IFT25: variants seen among roughly 807,000 people sequenced by gnomAD.
The protein encoded by IFT25 is intraflagellar transport protein 25 homolog.
chr1:53,912,315 A>T, the IFT25 span, among the ~76,000 whole-genome samples: 912 of 152,276 alleles, frequency 6.0e-3, 9 homozygotes, highest in African/African-American at 0.021. Flanking sequence ...TTCCAATTAG[A>T]TTCTCTTCAA....
At chr1:53,945,195 T>A in the IFT25 span, among the ~76,000 whole-genome samples, 5 of 152,194 alleles carry the variant, frequency 3.3e-5, no homozygotes, top group African/African-American at 1.2e-4. Context: ...AATATATAAA[T>A]GCCCCCGACC....
the IFT25 span, chr1:53,928,537 G>T: frequency 1.2e-6 from 1 of 820,070 alleles, no homozygotes. Flanking sequence ...CATGCACAGT[G>T]GAACTACACA....
the IFT25 span, among the ~76,000 whole-genome samples, chr1:53,939,074 CAAAAAAAA>C: frequency 4.4e-3 from 100 of 22,548 alleles, no homozygotes; most frequent in African/African-American, 0.014. Flanking sequence ...AACTCCGTCT[CAAAAAAAA>C]AAAAAAAAAA....
chr1:53,930,133 C>T, the IFT25 span: 22 of 1,550,528 alleles, frequency 1.4e-5, no homozygotes, highest in Admixed American at 4.6e-5. Flanking sequence ...TGGTCCAAAA[C>T]GTTTCTGGAT....
the IFT25 span, among the ~76,000 whole-genome samples, chr1:53,930,626 C>A: frequency 6.6e-6 from 1 of 152,120 alleles, no homozygotes; most frequent in Non-Finnish European, 1.5e-5. Context: ...ATTTATCTAA[C>A]CCCACCAAAT....
At chr1:53,926,854 C>T in the IFT25 span, among the ~76,000 whole-genome samples, 1 of 151,968 alleles carries the variant, frequency 6.6e-6, no homozygotes, top group East Asian at 1.9e-4. Flanking sequence ...TCCCAAGTAG[C>T]TACGATTACA....
chr1:53,913,139 G>C, the IFT25 span, among the ~76,000 whole-genome samples: 1 of 152,212 alleles, frequency 6.6e-6, no homozygotes, highest in Admixed American at 6.5e-5. Context: ...TCCTTCACCT[G>C]AGTGTGGCCC....
chr1:53,928,311 C>T, the IFT25 span: 2 of 1,290,094 alleles, frequency 1.6e-6, no homozygotes, highest in South Asian at 1.2e-5. Flanking sequence ...ATGAGAAATG[C>T]AGAATCAAAG....
At chr1:53,915,727 T>C in the IFT25 span, among the ~76,000 whole-genome samples, 1,016 of 152,270 alleles carry the variant, frequency 6.7e-3, 10 homozygotes, top group African/African-American at 0.023. Context: ...AAGCCAGCTA[T>C]ACTGACACCA....
At chr1:53,934,193 C>T in the IFT25 span, among the ~76,000 whole-genome samples, 1 of 152,158 alleles carries the variant, frequency 6.6e-6, no homozygotes, top group African/African-American at 2.4e-5. Flanking sequence ...CCTTATGATG[C>T]AGGTCTACTT....
chr1:53,938,596 T>C, the IFT25 span, among the ~76,000 whole-genome samples: 1 of 152,186 alleles, frequency 6.6e-6, no homozygotes, highest in Non-Finnish European at 1.5e-5. Context: ...CTGCCTTCAA[T>C]GATTAAAAGT....
chr1:53,913,088 T>C, the IFT25 span, among the ~76,000 whole-genome samples: 63 of 152,342 alleles, frequency 4.1e-4, no homozygotes, highest in African/African-American at 1.5e-3. Context: ...TTTGCCCTCA[T>C]GACAGGAGCT....
chr1:53,923,542 CTTAAA>C, the IFT25 span: 4 of 212,476 alleles, frequency 1.9e-5, no homozygotes, highest in Non-Finnish European at 3.7e-5. Flanking sequence ...TCCTTTCATG[CTTAAA>C]TTAACATTCA....
the IFT25 span, chr1:53,928,674 C>T: frequency 4.8e-6 from 2 of 419,526 alleles, no homozygotes; most frequent in Non-Finnish European, 8.5e-6. Context: ...GCAAGTAGAG[C>T]TTTTCTGAAT....
At chr1:53,925,806 CTAAAG>C in the IFT25 span, among the ~76,000 whole-genome samples, 1 of 149,302 alleles carries the variant, frequency 6.7e-6, no homozygotes, top group South Asian at 2.1e-4. Flanking sequence ...TTTTTTTTCA[CTAAAG>C]TATTTTAGGC....
the IFT25 span, among the ~76,000 whole-genome samples, chr1:53,941,136 A>T: frequency 6.6e-6 from 1 of 152,120 alleles, no homozygotes; most frequent in Non-Finnish European, 1.5e-5. Flanking sequence ...CTGGGATTAC[A>T]GGCAACAGCC....
the IFT25 span, among the ~76,000 whole-genome samples, chr1:53,915,079 T>C: frequency 6.6e-6 from 1 of 152,212 alleles, no homozygotes; most frequent in Non-Finnish European, 1.5e-5. Flanking sequence ...ACTAGCTTTA[T>C]TCAAAGCTCC....
At chr1:53,928,363 AAC>A in the IFT25 span, 8 of 1,605,182 alleles carry the variant, frequency 5.0e-6, no homozygotes, top group Non-Finnish European at 6.8e-6. Context: ...ATGCTGGTGA[AAC>A]ACATACCTTT....
chr1:53,914,362 CT>C, the IFT25 span, among the ~76,000 whole-genome samples: 2 of 151,998 alleles, frequency 1.3e-5, no homozygotes. Flanking sequence ...AAATGTTTTT[CT>C]TTTTATAATT....
Sources: allele counts gnomAD v4.1 joint callset (sites outside exome capture counted in the v4.1 genomes callset), GRCh38; gene constraint gnomAD v4.1.1; transcripts MANE v1.5; gene names NCBI Gene and HGNC (gene_info 2026-07-23, HGNC 2026-07-21).